The following SEMA6A variants were observed in gnomAD, a reference collection of about 807,000 sequenced individuals.
SEMA6A encodes semaphorin 6A, also known as semaphorin-6A.
In SEMA6A, 25 loss-of-function variants were observed where a neutral mutation model predicts 96.8. The ratio of observed to expected loss-of-function variants is 0.26; its 90% CI spans 0.19 to 0.36. The LOEUF is 0.36. Among genes scored for constraint, SEMA6A ranks in the 10% least tolerant of loss-of-function variants. SEMA6A has a pLI of 1.00. For synonymous variants in SEMA6A, 612 were observed against 518.0 expected (o/e 1.18, Z -2.46); for missense variants, 1,363 against 1,323.1 (o/e 1.03, Z -0.47).
At chr5:116,521,788 A>G (rs1758961557) in intron 1 of SEMA6A, among the ~76,000 whole-genome samples, 2 of 151,636 alleles carry the variant, frequency 1.3e-5, no homozygotes, top group African/African-American at 4.9e-5. Context: ...GAGGGAGAGA[A>G]AGAGATCATT....
At chr5:116,449,504 C>T in intron 18 of SEMA6A, 1 of 579,090 alleles carries the variant, frequency 1.7e-6, no homozygotes, top group Non-Finnish European at 3.1e-6. Context: ...TTTGTCACAG[C>T]CGAGACCTTG....
At position 116,502,346 on chromosome 5, in the gene SEMA6A, G is replaced by T. The variant is rs1454950248; in HGVS notation, c.101-19C>A. ...TTTGTATCTGTGAAAAGAGGAGATG[G>T]GGCAAGAAAGGAAAAGCAAATCAAG... is the stretch of plus-strand genomic sequence containing the variant. On this transcript the variant is annotated intron_variant, in intron 2 of 18. Coordinates refer to ENST00000343348, the MANE Select transcript of SEMA6A (RefSeq NM_020796.5). 6.2e-7 allele frequency: 1 copy of T among 1,606,302 alleles called. No individual in the cohort carries two copies. The highest frequency in any genetic ancestry group is 1.1e-5 in the South Asian group (1 of 90,894).
chr5:116,545,399 G>A (rs763718318), intron 1 of SEMA6A, among the ~76,000 whole-genome samples: 6 of 152,148 alleles, frequency 3.9e-5, no homozygotes, highest in Admixed American at 1.3e-4. Flanking sequence ...GTCAAATCCC[G>A]TCTCTACTAA....
intron 7 of SEMA6A, 131 bp from the exon 8 acceptor site, chr5:116,489,138 A>C (rs1757208725): frequency 9.4e-7 from 1 of 1,062,338 alleles, no homozygotes; most frequent in East Asian, 2.7e-5. Context: ...AAAATCCAAG[A>C]GTCGCTGGGA....
chr5:116,516,370 C>T (rs1758668310), intron 1 of SEMA6A, among the ~76,000 whole-genome samples: 1 of 152,106 alleles, frequency 6.6e-6, no homozygotes, highest in African/African-American at 2.4e-5. Flanking sequence ...AATTTTCCCA[C>T]ATTTTTGGGG....
At position 116,493,657 on chromosome 5, in the gene SEMA6A, G is replaced by A. The variant is rs575090079; in HGVS notation, c.444+1756C>T. ...TGTAAGATGGAAGATAAGTATGAGG[G>A]TCAAACAGACCCTCCCTTCACTGTA... is the stretch of plus-strand genomic sequence containing the variant. On this transcript the variant is annotated intron_variant, in intron 6 of 18. Coordinates refer to ENST00000343348, the MANE Select transcript of SEMA6A (RefSeq NM_020796.5). 9.2e-5 allele frequency among the ~76,000 whole-genome samples: 14 copies of A among 152,132 alleles called. No individual in the cohort carries two copies. In the East Asian group the frequency reaches 1.4e-3, roughly 15 times the overall value.
At chr5:116,464,927 C>G (rs560325926) in intron 18 of SEMA6A, among the ~76,000 whole-genome samples, 1 of 152,248 alleles carries the variant, frequency 6.6e-6, no homozygotes, top group Admixed American at 6.5e-5. Flanking sequence ...GCAATGGACA[C>G]TTGACTCCTC....
intron 18 of SEMA6A, among the ~76,000 whole-genome samples, chr5:116,460,120 A>G (rs1306518560): frequency 1.3e-5 from 2 of 152,222 alleles, no homozygotes; most frequent in Admixed American, 6.5e-5. Context: ...AAAGGAATAC[A>G]TATGGTTAAC....
At chr5:116,568,517 AC>A (rs1761094228) in intron 1 of SEMA6A, among the ~76,000 whole-genome samples, 2 of 152,230 alleles carry the variant, frequency 1.3e-5, no homozygotes, top group South Asian at 2.1e-4. Flanking sequence ...CTCCAAAAAA[AC>A]ATGAACGTTC....
intron 1 of SEMA6A, among the ~76,000 whole-genome samples, chr5:116,561,302 A>G (rs968221507): frequency 2.0e-5 from 3 of 152,340 alleles, no homozygotes; most frequent in East Asian, 1.9e-4. Flanking sequence ...GCTGACTTCT[A>G]ATTCTAATGT....
At chr5:116,458,190 A>G (rs1755139183) in intron 18 of SEMA6A, among the ~76,000 whole-genome samples, 1 of 152,216 alleles carries the variant, frequency 6.6e-6, no homozygotes, top group African/African-American at 2.4e-5. Context: ...AATGCAAACT[A>G]CTAATTGATT....
chr5:116,559,382 C>A (rs965681325), intron 1 of SEMA6A, among the ~76,000 whole-genome samples: 2 of 152,134 alleles, frequency 1.3e-5, no homozygotes, highest in African/African-American at 4.8e-5. Flanking sequence ...ACAGGTACCC[C>A]CTGGAGATTG....
chr5:116,488,624 T>A (rs144318320), intron 8 of SEMA6A, among the ~76,000 whole-genome samples: 1 of 152,158 alleles, frequency 6.6e-6, no homozygotes, highest in African/African-American at 2.4e-5. Context: ...AACTCAGAAA[T>A]GAGAGCTTGA....
At chr5:116,546,079 C>A (rs957464495) in intron 1 of SEMA6A, among the ~76,000 whole-genome samples, 1 of 152,232 alleles carries the variant, frequency 6.6e-6, no homozygotes, top group Non-Finnish European at 1.5e-5. Context: ...AGGGCAGAAT[C>A]TTTGTTTACC....
intron 18 of SEMA6A, among the ~76,000 whole-genome samples, chr5:116,452,671 A>T (rs1754715335): frequency 6.9e-6 from 1 of 145,862 alleles, no homozygotes; most frequent in African/African-American, 2.5e-5. Flanking sequence ...TACATTCCTT[A>T]TTTTAAAAAA....
chr5:116,549,945 G>C (rs1009987545), intron 1 of SEMA6A, among the ~76,000 whole-genome samples: 1 of 152,136 alleles, frequency 6.6e-6, no homozygotes, highest in Non-Finnish European at 1.5e-5. Context: ...AGAAATGCCA[G>C]TTACATTGCT....
chr5:116,512,837 C>T (rs1758480769), intron 1 of SEMA6A, among the ~76,000 whole-genome samples: 1 of 152,128 alleles, frequency 6.6e-6, no homozygotes, highest in Non-Finnish European at 1.5e-5. Context: ...CCTTAGTAGG[C>T]CTGAAAGTAT....
At chr5:116,529,937 A>G (rs1402087365) in intron 1 of SEMA6A, among the ~76,000 whole-genome samples, 2 of 152,120 alleles carry the variant, frequency 1.3e-5, no homozygotes, top group East Asian at 1.9e-4. Context: ...CCAAGCCTCA[A>G]TGACACACAA....
chr5:116,560,152 A>AGT (rs1460926048), intron 1 of SEMA6A, among the ~76,000 whole-genome samples: 1 of 152,132 alleles, frequency 6.6e-6, no homozygotes, highest in African/African-American at 2.4e-5. Flanking sequence ...CCAAATACGG[A>AGT]GACCTCACTC....
Sources: allele counts gnomAD v4.1 joint callset (sites outside exome capture counted in the v4.1 genomes callset), GRCh38; gene constraint gnomAD v4.1.1; transcripts MANE v1.5; gene names NCBI Gene and HGNC (gene_info 2026-07-23, HGNC 2026-07-21).